Variants in ATP2B4 observed in about 807,000 individuals in gnomAD.
The protein encoded by ATP2B4 is plasma membrane calcium-transporting ATPase 4.
ATP2B4 carries 39 observed loss-of-function variants against 110.3 expected under a neutral mutation model. That is an observed-to-expected ratio of 0.35 (90% CI 0.27 to 0.46). The LOEUF (loss-of-function observed/expected upper bound fraction) is 0.46, where lower values mean the gene tolerates loss of function less well. Among genes scored for constraint, ATP2B4 ranks in the 20% least tolerant of loss-of-function variants. The pLI is 1.00. For missense variants in ATP2B4, 1,135 were observed against 1,530.9 expected, an observed-to-expected ratio of 0.74 and a Z score of 4.32; for synonymous variants, 538 against 571.7, an observed-to-expected ratio of 0.94 and a Z score of 0.84.
At chr1:203,677,991 C>T (rs1039099216) in intron 1 of ATP2B4, among the ~76,000 whole-genome samples, 1 of 152,362 alleles carries the variant, frequency 6.6e-6, no homozygotes, top group African/African-American at 2.4e-5. Context: ...CTCCACTGAG[C>T]AGCCCCTGCC....
chr1:203,657,053 C>G (rs1157841652), intron 1 of ATP2B4: 2 of 803,646 alleles, frequency 2.5e-6, no homozygotes, highest in South Asian at 1.5e-5. Context: ...ACTTTGCCTC[C>G]TTGTGTCACA....
intron 1 of ATP2B4, among the ~76,000 whole-genome samples, chr1:203,649,822 A>G (rs748908501): frequency 1.3e-5 from 2 of 152,136 alleles, no homozygotes; most frequent in African/African-American, 4.8e-5. Flanking sequence ...GCTGTACTTT[A>G]CAGACCAGAA....
intron 11 of ATP2B4, 26 bp from the exon 12 acceptor site, chr1:203,710,851 C>A: frequency 6.5e-7 from 1 of 1,533,896 alleles, no homozygotes; most frequent in Non-Finnish European, 9.0e-7. Context: ...AGGGAGACAC[C>A]GCGTTCTTAC....
chr1:203,638,034 G>A (rs1404334144), intron 1 of ATP2B4, among the ~76,000 whole-genome samples: 1 of 152,098 alleles, frequency 6.6e-6, no homozygotes, highest in East Asian at 1.9e-4. Flanking sequence ...GGGGAGACTA[G>A]AATTTGGCAG....
At chr1:203,638,120 G>A (rs1357420471) in intron 1 of ATP2B4, among the ~76,000 whole-genome samples, 1 of 152,170 alleles carries the variant, frequency 6.6e-6, no homozygotes. Context: ...ATTTGATGGA[G>A]GAGGGGAGGG....
In ATP2B4 at chr1:203,707,178, G is replaced by A. The variant is rs771977103; in HGVS notation, c.1269G>A (p.Glu423=). 1 of 1,614,070 alleles carries A rather than the reference G, an allele frequency of 6.2e-7. No homozygotes were observed. The highest frequency in any genetic ancestry group is 8.5e-7 in the Non-Finnish European group (1 of 1,180,016). The part of the protein sequence containing the change: ...GITVLVVAVP[E]GLPLAVTISL... ...CTGTACTGGTGGTGGCTGTGCCAGA[G>A]GGGCTGCCTCTGGCTGTCACCATCT... The change falls in exon 9 of 21, where the codon GAG becomes GAA. Residue 423 remains glutamate, a synonymous_variant. Transcript: ENST00000357681.
At chr1:203,738,375 C>G (rs1666921117) in intron 20 of ATP2B4, among the ~76,000 whole-genome samples, 1 of 152,114 alleles carries the variant, frequency 6.6e-6, no homozygotes. Context: ...ATTGCTGGTG[C>G]CTGTGGACAA....
intron 1 of ATP2B4, among the ~76,000 whole-genome samples, chr1:203,628,789 G>A (rs1663168375): frequency 6.6e-6 from 1 of 152,168 alleles, no homozygotes; most frequent in African/African-American, 2.4e-5. Flanking sequence ...AGTGACGAGG[G>A]GCTGGGCCAG....
chr1:203,672,940 A>G (rs1486401794), intron 1 of ATP2B4, among the ~76,000 whole-genome samples: 1 of 152,092 alleles, frequency 6.6e-6, no homozygotes, highest in Non-Finnish European at 1.5e-5. Context: ...CTCAAAGACT[A>G]AAAAAATGTG....
chr1:203,712,312 G>A (rs1414964696), intron 13 of ATP2B4, among the ~76,000 whole-genome samples, 173 bp downstream of exon 13: 1 of 152,202 alleles, frequency 6.6e-6, no homozygotes, highest in African/African-American at 2.4e-5. Context: ...GGAGTTGCCG[G>A]CTGGGCGCGG....
At chr1:203,666,797 G>A (rs16852011) in intron 1 of ATP2B4, among the ~76,000 whole-genome samples, 5,532 of 152,192 alleles carry the variant, frequency 0.036, 199 homozygotes, top group East Asian at 0.18. Flanking sequence ...GGAAGAAAAA[G>A]GCAGTTCCCT....
intron 1 of ATP2B4, among the ~76,000 whole-genome samples, chr1:203,658,738 G>A (rs1664241286): frequency 6.6e-6 from 1 of 152,144 alleles, no homozygotes; most frequent in African/African-American, 2.4e-5. Context: ...AGGCATGGTG[G>A]CCCATGCCTG....
intron 1 of ATP2B4, among the ~76,000 whole-genome samples, chr1:203,635,982 T>C (rs1663425697): frequency 6.6e-6 from 1 of 152,110 alleles, no homozygotes; most frequent in South Asian, 2.1e-4. Context: ...TGGGCCCTGA[T>C]GAGTGGGCCA....
At chr1:203,656,087 T>G (rs976571308) in intron 1 of ATP2B4, among the ~76,000 whole-genome samples, 3 of 150,790 alleles carry the variant, frequency 2.0e-5, no homozygotes, top group African/African-American at 7.3e-5. Context: ...TTTTTGGTGA[T>G]TATAGATTAA....
At chr1:203,664,196 C>T (rs1664434765) in intron 1 of ATP2B4, among the ~76,000 whole-genome samples, 2 of 152,284 alleles carry the variant, frequency 1.3e-5, no homozygotes, top group South Asian at 4.2e-4. Flanking sequence ...GTCTTGCTGA[C>T]ACCACTTAAA....
intron 2 of ATP2B4, among the ~76,000 whole-genome samples, chr1:203,693,787 GA>G (rs560414481): frequency 9.8e-4 from 150 of 152,332 alleles, no homozygotes; most frequent in African/African-American, 3.4e-3. Context: ...CGTGGTGAAG[GA>G]AGTAGGGTGG....
Position 203,698,169 on chromosome 1 carries a change from AC to A in ATP2B4, c.209del (p.Pro70LeufsTer15). 1 of 1,614,094 alleles carries A rather than the reference AC, an allele frequency of 6.2e-7. No individual in the cohort carries two copies. Among genetic ancestry groups the A allele is most frequent in the African/African-American group, 1.3e-5 (1 of 75,016 alleles). On this transcript the variant is annotated frameshift_variant, in exon 3 of 21. Coordinates refer to ENST00000357681, the MANE Select transcript of ATP2B4 (RefSeq NM_001684.5). LOFTEE classifies it high-confidence loss of function. ...KTSPVEGLSG[N>X]PADLEKRRQV... is the part of the protein sequence containing the mutation. Reference sequence around the variant, plus strand: ...ATCTCCTTTTCAGGTCTGTCTGGGAACCCTGCAGATCTGGAGAAACGTAGGC... The same window carrying A: ...ATCTCCTTTTCAGGTCTGTCTGGGAACCTGCAGATCTGGAGAAACGTAGGC...
At chr1:203,680,273 G>T (rs947052109) in intron 1 of ATP2B4, among the ~76,000 whole-genome samples, 1 of 152,086 alleles carries the variant, frequency 6.6e-6, no homozygotes, top group Admixed American at 6.6e-5. Flanking sequence ...GGAGCTTATT[G>T]TTCTTCTTCT....
intron 20 of ATP2B4, among the ~76,000 whole-genome samples, chr1:203,735,457 A>C (rs1666855116): frequency 1.3e-5 from 2 of 152,206 alleles, no homozygotes; most frequent in African/African-American, 4.8e-5. Context: ...CTGAGTGTTC[A>C]GTCTGTTCCT....
Sources: allele counts gnomAD v4.1 joint callset (sites outside exome capture counted in the v4.1 genomes callset), GRCh38; gene constraint gnomAD v4.1.1; transcripts MANE v1.5; gene names NCBI Gene and HGNC (gene_info 2026-07-23, HGNC 2026-07-21).